Variants in UNC13C observed in about 807,000 individuals in gnomAD.
The protein encoded by UNC13C is unc-13 homolog C, also known as protein unc-13 homolog C.
A neutral mutation model predicts 245.4 loss-of-function variants in UNC13C; 174 were observed. That is an observed-to-expected ratio of 0.71 (90% CI 0.63 to 0.80). UNC13C has a LOEUF of 0.80. UNC13C is among the 30% of genes least tolerant of loss of function. The pLI, the probability that UNC13C is intolerant of heterozygous loss-of-function variation, is 0.00. For missense variants in UNC13C, 2,829 were observed against 2,602.9 expected (o/e 1.09, Z -1.89); for synonymous variants, 992 against 895.1 (o/e 1.11, Z -1.93).
chr15:54,432,888 C>T (rs2040900901), intron 19 of UNC13C, among the ~76,000 whole-genome samples: 1 of 151,596 alleles, frequency 6.6e-6, no homozygotes, highest in Non-Finnish European at 1.5e-5. Context: ...ATCAAATAGA[C>T]AAAATAAAAA....
chr15:54,346,459 A>G lies in UNC13C; in HGVS notation c.4713+7970A>G, dbSNP rs2038861938. On this transcript the variant is annotated intron_variant, in intron 17 of 32. Transcript: ENST00000260323. ...TCTGTTTTCTTTGAATCTTCTCCAG[A>G]TAATATGATGCCTTGCCTGAAACAA... Among the ~76,000 whole-genome samples, 4 of 152,174 alleles carry G rather than the reference A, an allele frequency of 2.6e-5. 1 individual carries two copies. Among genetic ancestry groups the G allele is most frequent in the Admixed American group, 1.3e-4 (2 of 15,270 alleles).
rs140348603 is a variant in UNC13C, at chr15:54,133,837, A to G, written c.2984-9181A>G. Among the ~76,000 whole-genome samples, 570 of 152,268 alleles carry G rather than the reference A, an allele frequency of 3.7e-3. 8 individuals are homozygous for G. The highest frequency in any genetic ancestry group is 0.013 in the African/African-American group (547 of 41,546). On this transcript the variant is annotated intron_variant, in intron 2 of 32. Coordinates refer to ENST00000260323, the MANE Select transcript of UNC13C (RefSeq NM_001080534.3). ...ATCTGCATATCTGTACATGTTTTAT[A>G]TATATATTACACTGCCCCTTGAATA...
At chr15:54,280,139 A>C (rs1190141925) in intron 10 of UNC13C, among the ~76,000 whole-genome samples, 1 of 152,154 alleles carries the variant, frequency 6.6e-6, no homozygotes, top group Non-Finnish European at 1.5e-5. Flanking sequence ...ATAAACATAT[A>C]CATATACAAG....
At chr15:54,451,074 A>C (rs900895617) in intron 19 of UNC13C, among the ~76,000 whole-genome samples, 10 of 152,062 alleles carry the variant, frequency 6.6e-5, no homozygotes, top group African/African-American at 2.4e-4. Flanking sequence ...TAAGAGATGT[A>C]AGCTTCTACG....
At chr15:53,890,918 T>A in the UNC13C span, among the ~76,000 whole-genome samples, 4 of 152,198 alleles carry the variant, frequency 2.6e-5, no homozygotes, top group Non-Finnish European at 4.4e-5. Context: ...TTTGAATTTA[T>A]CTGCTGTTGC....
chr15:53,892,155 G>A, the UNC13C span, among the ~76,000 whole-genome samples: 1 of 152,182 alleles, frequency 6.6e-6, no homozygotes, highest in Admixed American at 6.5e-5. Context: ...GGCTGGATAT[G>A]AAATTCTGGG....
chr15:54,451,415 A>G (rs1891169409), intron 19 of UNC13C, among the ~76,000 whole-genome samples: 1 of 151,930 alleles, frequency 6.6e-6, no homozygotes, highest in Non-Finnish European at 1.5e-5. Flanking sequence ...AAATTTACAT[A>G]TTTAGTCCTT....
chr15:54,534,879 A>T (rs1373158425), intron 26 of UNC13C, among the ~76,000 whole-genome samples: 1 of 152,212 alleles, frequency 6.6e-6, no homozygotes, highest in Non-Finnish European at 1.5e-5. Context: ...TTGTTACCCT[A>T]GACCTGCCTC....
At chr15:53,934,783 G>A in the UNC13C span, among the ~76,000 whole-genome samples, 1 of 152,136 alleles carries the variant, frequency 6.6e-6, no homozygotes, top group Admixed American at 6.6e-5. Context: ...GATTCACAGA[G>A]ATCTGTCTCC....
intron 30 of UNC13C, among the ~76,000 whole-genome samples, chr15:54,584,419 C>G (rs1316565940): frequency 6.6e-6 from 1 of 152,148 alleles, no homozygotes; most frequent in Non-Finnish European, 1.5e-5. Context: ...GCCGAAAAGG[C>G]AAGGTAACTT....
At chr15:53,916,992 G>T in the UNC13C span, among the ~76,000 whole-genome samples, 25 of 152,280 alleles carry the variant, frequency 1.6e-4, no homozygotes, top group African/African-American at 5.5e-4. Context: ...TGGCATAAAA[G>T]AATCAGATGA....
At chr15:54,275,740 C>A (rs994240206) in intron 10 of UNC13C, among the ~76,000 whole-genome samples, 1 of 152,034 alleles carries the variant, frequency 6.6e-6, no homozygotes, top group Non-Finnish European at 1.5e-5. Flanking sequence ...AAATGGTAAA[C>A]CACTTGGGAA....
At chr15:54,534,787 T>C (rs932367766) in intron 26 of UNC13C, among the ~76,000 whole-genome samples, 1 of 152,160 alleles carries the variant, frequency 6.6e-6, no homozygotes, top group African/African-American at 2.4e-5. Context: ...CCTAATATAA[T>C]CAGCAGTCTT....
chr15:54,344,581 C>G (rs1406470769), intron 17 of UNC13C, among the ~76,000 whole-genome samples: 1 of 152,070 alleles, frequency 6.6e-6, no homozygotes, highest in East Asian at 1.9e-4. Flanking sequence ...AAGGAAGCAT[C>G]CATTGGAGCT....
Position 54,453,351 on chromosome 15 carries a change from T to C in UNC13C, c.4933+38284T>C, listed in dbSNP as rs368138992. The stretch of plus-strand genomic sequence containing the variant: ...CTTCTTTTACATGTCTCCTGTCTCT[T>C]ATCTGTTGAATCCTGATGTTCTCTC... On this transcript the variant is annotated intron_variant, in intron 19 of 32. Coordinates refer to ENST00000260323, the MANE Select transcript of UNC13C (RefSeq NM_001080534.3). Among the ~76,000 whole-genome samples the C allele has an allele frequency of 4.6e-5, 7 of 152,320 alleles. 1 individual carries two copies. Among genetic ancestry groups the C allele is most frequent in the East Asian group, 1.9e-4 (1 of 5,176 alleles).
intron 30 of UNC13C, among the ~76,000 whole-genome samples, chr15:54,584,075 C>T (rs193211241): frequency 6.6e-6 from 1 of 152,256 alleles, no homozygotes; most frequent in Non-Finnish European, 1.5e-5. Context: ...TTGGTTTCAC[C>T]TCCTCCTTGT....
At chr15:54,049,958 T>C (rs1440322012) in intron 2 of UNC13C, 2 of 223,654 alleles carry the variant, frequency 8.9e-6, no homozygotes, top group Non-Finnish European at 1.8e-5. Context: ...TGTAAAACTT[T>C]AGCATTTGAT....
chr15:54,348,663 T>A (rs1315484957), intron 17 of UNC13C, among the ~76,000 whole-genome samples: 1 of 152,170 alleles, frequency 6.6e-6, no homozygotes, highest in African/African-American at 2.4e-5. Context: ...TCCATGCTTG[T>A]TTTGTGGATG....
intron 4 of UNC13C, among the ~76,000 whole-genome samples, chr15:54,231,534 A>C (rs1268642678): frequency 1.3e-5 from 2 of 152,028 alleles, no homozygotes; most frequent in African/African-American, 4.8e-5. Flanking sequence ...GAGAGAAATA[A>C]TTGTACCTAT....
Sources: gnomAD v4.1 joint callset for allele counts (sites outside exome capture counted in the v4.1 genomes callset) on GRCh38, gnomAD v4.1.1 for gene constraint, MANE v1.5 for transcripts, NCBI Gene and HGNC (gene_info 2026-07-23, HGNC 2026-07-21) for gene names.